Variants in ZFHX3 observed in about 807,000 individuals in gnomAD.
The protein encoded by ZFHX3 is zinc finger homeobox protein 3.
In ZFHX3, 42 loss-of-function variants were observed where a neutral mutation model predicts 279.1. The ratio of observed to expected loss-of-function variants is 0.15; its 90% CI spans 0.12 to 0.19. The LOEUF (loss-of-function observed/expected upper bound fraction) is 0.19, where lower values mean the gene tolerates loss of function less well. ZFHX3 is among the 10% of genes least tolerant of loss of function. The pLI is 1.00. For missense variants in ZFHX3, 4,981 were observed against 4,754.0 expected (o/e 1.05, Z -1.40); for synonymous variants, 2,293 against 1,957.8 (o/e 1.17, Z -4.52).
chr16:72,871,148 A>G (rs905020698), intron 4 of ZFHX3, among the ~76,000 whole-genome samples: 3 of 152,202 alleles, frequency 2.0e-5, no homozygotes, highest in South Asian at 2.1e-4. Flanking sequence ...TTACTTTTCT[A>G]TAAGTCTGAA....
chr16:72,884,708 T>C (rs919260091), intron 4 of ZFHX3, among the ~76,000 whole-genome samples: 1 of 152,176 alleles, frequency 6.6e-6, no homozygotes, highest in African/African-American at 2.4e-5. Flanking sequence ...CTTGATAGAA[T>C]GAAGTTAACT....
intron 4 of ZFHX3, among the ~76,000 whole-genome samples, chr16:72,874,232 A>T (rs2038245677): frequency 9.1e-6 from 1 of 109,618 alleles, no homozygotes; most frequent in African/African-American, 4.7e-5. Context: ...TTTTTGAGAC[A>T]GTCTCACTCT....
At chr16:73,293,072 GA>G (rs774975834) in intron 4 of ZFHX3, among the ~76,000 whole-genome samples, 2 of 152,172 alleles carry the variant, frequency 1.3e-5, no homozygotes, top group African/African-American at 2.4e-5. Flanking sequence ...TCTAAAGGTA[GA>G]ACCACCTTCA....
intron 4 of ZFHX3, among the ~76,000 whole-genome samples, chr16:72,859,583 T>G (rs1029417196): frequency 1.3e-5 from 2 of 152,224 alleles, no homozygotes; most frequent in Admixed American, 1.3e-4. Flanking sequence ...TAAAGACGTT[T>G]AGGGATTTGA....
chr16:73,621,394 C>A (rs565771111), intron 2 of ZFHX3, among the ~76,000 whole-genome samples: 11 of 152,330 alleles, frequency 7.2e-5, no homozygotes, highest in African/African-American at 2.6e-4. Flanking sequence ...TATGGTCTTT[C>A]CCTCCAGCAG....
At chr16:73,623,374 TC>T in intron 2 of ZFHX3, among the ~76,000 whole-genome samples, 3 of 152,242 alleles carry the variant, frequency 2.0e-5, no homozygotes, top group African/African-American at 7.2e-5. Flanking sequence ...TATTTTTTTT[TC>T]CATCTAATTC....
intron 5 of ZFHX3, among the ~76,000 whole-genome samples, chr16:73,184,866 C>A (rs1967876336): frequency 8.5e-5 from 13 of 152,212 alleles, no homozygotes. Flanking sequence ...AACAGGTTAT[C>A]CTGAGAAACA....
chr16:72,986,048 C>T (rs993756008), intron 1 of ZFHX3, among the ~76,000 whole-genome samples: 1 of 152,118 alleles, frequency 6.6e-6, no homozygotes, highest in African/African-American at 2.4e-5. Context: ...AACCACCCCC[C>T]ACCCCGCCAA....
chr16:73,351,242 A>G (rs576677449), intron 3 of ZFHX3, among the ~76,000 whole-genome samples: 1 of 152,322 alleles, frequency 6.6e-6, no homozygotes, highest in East Asian at 1.9e-4. Flanking sequence ...TAACTGGACA[A>G]ACGCCTTCGT....
At chr16:73,681,625 C>T (rs986209573) in intron 1 of ZFHX3, among the ~76,000 whole-genome samples, 1 of 152,132 alleles carries the variant, frequency 6.6e-6, no homozygotes, top group African/African-American at 2.4e-5. Flanking sequence ...TCTGGCAAGG[C>T]TTAGGATCAT....
chr16:73,046,081 G>A (rs878958631), intron 1 of ZFHX3, among the ~76,000 whole-genome samples: 8 of 152,202 alleles, frequency 5.3e-5, no homozygotes, highest in African/African-American at 1.9e-4. Flanking sequence ...AGCAAAGGGA[G>A]AGAGAAAAAG....
intron 2 of ZFHX3, among the ~76,000 whole-genome samples, chr16:73,667,145 C>A (rs2052851014): frequency 1.3e-5 from 2 of 152,072 alleles, no homozygotes; most frequent in South Asian, 2.1e-4. Flanking sequence ...GTGCCCGCCA[C>A]CACGCCCGGC....
chr16:73,115,317 G>T (rs923197869), intron 7 of ZFHX3, among the ~76,000 whole-genome samples: 1 of 145,054 alleles, frequency 6.9e-6, no homozygotes, highest in Non-Finnish European at 1.5e-5. Flanking sequence ...TAGGCAGGAG[G>T]CTCGCTTGAG....
At chr16:73,070,859 A>C (rs1965814919) in intron 8 of ZFHX3, among the ~76,000 whole-genome samples, 1 of 145,192 alleles carries the variant, frequency 6.9e-6, no homozygotes, top group Non-Finnish European at 1.5e-5. Flanking sequence ...TGTCTTTCTC[A>C]TGTCACACTT....
Position 73,741,957 on chromosome 16 carries a change from C to G in ZFHX3, c.-1607-61717G>C, listed in dbSNP as rs190187380. ...GAAACCTTAATCATTTACAAAGTCC[C>G]CAGTATTCACACCATAAGAATAAAC... On this transcript the variant is annotated intron_variant, in intron 1 of 17. Transcript: ENST00000641206. Among the ~76,000 whole-genome samples the G allele has an allele frequency of 6.6e-5, 10 of 152,274 alleles. No individual in the cohort carries two copies. The East Asian group carries it at 1.9e-3, about 29-fold the overall frequency.
At chr16:72,882,978 GTGTGTGTGTGTGTGT>G (rs2038524307) in intron 4 of ZFHX3, among the ~76,000 whole-genome samples, 2 of 29,168 alleles carry the variant, frequency 6.9e-5, no homozygotes, top group Admixed American at 4.6e-4. Context: ...CCACTCTGGG[GTGTGTGTGTGTGTGT>G]GTGTGTGTGT....
rs532946523 is a variant in ZFHX3 at position 73,718,267 on chromosome 16, C to T, written c.-1607-38027G>A. On this transcript the variant is annotated intron_variant, in intron 1 of 17. Transcript: ENST00000641206. ...CTCTACAAATAACATAAAAATTAGCCGGGCGTGGTGGCAGGCACCTGTAAT... is the reference window on the plus strand; with the variant it reads ...CTCTACAAATAACATAAAAATTAGCTGGGCGTGGTGGCAGGCACCTGTAAT... Among the ~76,000 whole-genome samples the T allele has an allele frequency of 9.2e-5, 14 of 152,188 alleles. No homozygotes were observed. In the East Asian group the frequency reaches 1.8e-3, roughly 19 times the overall value.
intron 1 of ZFHX3, among the ~76,000 whole-genome samples, chr16:73,020,991 C>T (rs866509992): frequency 7.2e-5 from 11 of 152,082 alleles, no homozygotes; most frequent in African/African-American, 1.4e-4. Context: ...CTCTGCATAC[C>T]GTATAGAGCA....
rs146779160 is a variant in ZFHX3 at position 72,944,546 on chromosome 16, C to T, written c.3216+5923G>A. ...AAAAAAGGTCTCAGGTATTACACAA[C>T]GTCATTCCAATTTTGTAAAATTCCT... On this transcript the variant is annotated intron_variant, in intron 3 of 9. Coordinates refer to ENST00000268489, the MANE Select transcript of ZFHX3 (RefSeq NM_006885.4). Among the ~76,000 whole-genome samples the T allele has an allele frequency of 7.0e-4, 106 of 151,452 alleles. 1 individual carries two copies. The highest frequency in any genetic ancestry group is 2.0e-3 in the African/African-American group (82 of 41,108).
Sources: allele counts gnomAD v4.1 joint callset (sites outside exome capture counted in the v4.1 genomes callset), GRCh38; gene constraint gnomAD v4.1.1; transcripts MANE v1.5; gene names NCBI Gene and HGNC (gene_info 2026-07-23, HGNC 2026-07-21).